The following NRG3 variants were observed in gnomAD, a reference collection of about 807,000 sequenced individuals.
NRG3 encodes neuregulin 3.
Under a neutral mutation model 66.9 loss-of-function variants are expected in NRG3, and 31 were observed. The ratio of observed to expected loss-of-function variants is 0.46; its 90% confidence interval spans 0.35 to 0.63. The LOEUF is 0.63. Ranked by LOEUF, NRG3 falls within the 20% of genes least tolerant of loss-of-function variation. NRG3 has a pLI of 0.00. For synonymous variants in NRG3, 393 were observed against 359.4 expected (o/e 1.09, Z -1.06); for missense variants, 910 against 878.9 (o/e 1.04, Z -0.45).
intron 3 of NRG3, among the ~76,000 whole-genome samples, chr10:82,753,987 A>G (rs1305899170): frequency 6.6e-6 from 1 of 151,644 alleles, no homozygotes; most frequent in East Asian, 1.9e-4. Flanking sequence ...AAATTTATTC[A>G]CTAATATTTC....
At chr10:82,077,741 T>C (rs1051359879) in intron 1 of NRG3, among the ~76,000 whole-genome samples, 1 of 152,256 alleles carries the variant, frequency 6.6e-6, no homozygotes, top group African/African-American at 2.4e-5. Flanking sequence ...GTTGCCAACA[T>C]AACTTTTACA....
chr10:82,635,817 GGTGCT>G (rs1292283215), intron 2 of NRG3, among the ~76,000 whole-genome samples: 1 of 152,134 alleles, frequency 6.6e-6, no homozygotes, highest in Admixed American at 6.6e-5. Context: ...GATGATTGTT[GGTGCT>G]GGGCAGGGAG....
intron 2 of NRG3, among the ~76,000 whole-genome samples, chr10:82,499,379 G>A (rs1418525992): frequency 6.6e-6 from 1 of 152,136 alleles, no homozygotes; most frequent in Admixed American, 6.6e-5. Context: ...AGCAATTACA[G>A]ACAAACCTTT....
Position 82,298,599 on chromosome 10 carries a change from A to G in NRG3, c.824-60140A>G, listed in dbSNP as rs113244133. 8.9e-3 allele frequency among the ~76,000 whole-genome samples: 1,349 copies of G among 152,246 alleles called. 15 individuals are homozygous for G. Among genetic ancestry groups the G allele is most frequent in the African/African-American group, 0.03 (1,246 of 41,530 alleles). Reference sequence around the variant, plus strand: ...TATAAAGAGTAAGTCTGAAGTTTACATTTAGATTTTGACAGTCATCATTAG... The same window carrying G: ...TATAAAGAGTAAGTCTGAAGTTTACGTTTAGATTTTGACAGTCATCATTAG... On this transcript the variant is annotated intron_variant, in intron 1 of 8. Coordinates refer to ENST00000372141, the MANE Select transcript of NRG3 (RefSeq NM_001010848.4).
At chr10:82,339,096 T>C (rs1456130686) in intron 1 of NRG3, among the ~76,000 whole-genome samples, 2 of 152,178 alleles carry the variant, frequency 1.3e-5, no homozygotes, top group Non-Finnish European at 2.9e-5. Context: ...TGGAGAACAA[T>C]GTAATTGTTT....
At chr10:82,760,828 G>C (rs1465795307) in intron 3 of NRG3, among the ~76,000 whole-genome samples, 2 of 151,768 alleles carry the variant, frequency 1.3e-5, no homozygotes, top group African/African-American at 4.8e-5. Context: ...TACATTTTCT[G>C]ATTTTATTAG....
intron 1 of NRG3, among the ~76,000 whole-genome samples, chr10:82,156,125 C>T (rs1434063033): frequency 6.6e-6 from 1 of 151,574 alleles, no homozygotes; most frequent in Non-Finnish European, 1.5e-5. Context: ...CTAACATTGT[C>T]CTCCTTATTA....
chr10:82,340,329 C>T (rs1051501895), intron 1 of NRG3, among the ~76,000 whole-genome samples: 1 of 152,200 alleles, frequency 6.6e-6, no homozygotes, highest in Non-Finnish European at 1.5e-5. Flanking sequence ...CAAAAGTGCC[C>T]TCTCCACGAA....
At chr10:82,185,683 T>A (rs1322431622) in intron 1 of NRG3, among the ~76,000 whole-genome samples, 1 of 152,218 alleles carries the variant, frequency 6.6e-6, no homozygotes, top group Non-Finnish European at 1.5e-5. Flanking sequence ...TCATCCAGTT[T>A]AATGCAGAAG....
At chr10:81,963,900 CAACCAGGAA>C (rs1161267260) in intron 1 of NRG3, among the ~76,000 whole-genome samples, 1 of 152,178 alleles carries the variant, frequency 6.6e-6, no homozygotes, top group Admixed American at 6.5e-5. Flanking sequence ...CCTCCACCTC[CAACCAGGAA>C]GTATTAATCA....
chr10:82,474,292 T>C (rs190424383), intron 2 of NRG3, among the ~76,000 whole-genome samples: 160 of 152,064 alleles, frequency 1.1e-3, no homozygotes, highest in Middle Eastern at 0.01. Context: ...CTGAGCTTAC[T>C]AGATAAAGAC....
intron 1 of NRG3, among the ~76,000 whole-genome samples, chr10:82,141,657 A>G (rs2132647014): frequency 6.6e-6 from 1 of 152,256 alleles, no homozygotes; most frequent in East Asian, 1.9e-4. Context: ...AATCACAGTG[A>G]TTCTAGGTTT....
intron 2 of NRG3, among the ~76,000 whole-genome samples, chr10:82,436,787 G>A (rs907085295): frequency 3.9e-5 from 6 of 151,986 alleles, no homozygotes; most frequent in African/African-American, 9.7e-5. Flanking sequence ...TTTCTCCTTC[G>A]CTTATGAAGC....
At chr10:82,919,538 C>T (rs1200213098) in intron 4 of NRG3, among the ~76,000 whole-genome samples, 2 of 152,142 alleles carry the variant, frequency 1.3e-5, no homozygotes, top group Non-Finnish European at 2.9e-5. Context: ...TTAAGACTCT[C>T]AGCTACTTTA....
intron 2 of NRG3, among the ~76,000 whole-genome samples, chr10:82,639,870 AG>A (rs1473068886): frequency 6.6e-6 from 1 of 152,130 alleles, no homozygotes; most frequent in Non-Finnish European, 1.5e-5. Context: ...TTCATCACCC[AG>A]GTATTAAGCC....
chr10:82,471,385 C>T (rs575905759), intron 2 of NRG3, among the ~76,000 whole-genome samples: 14 of 152,132 alleles, frequency 9.2e-5, no homozygotes, highest in Non-Finnish European at 1.9e-4. Flanking sequence ...CTGTCTCACT[C>T]TCTGTTACCT....
chr10:81,959,725 G>A (rs950805088), intron 1 of NRG3, among the ~76,000 whole-genome samples: 6 of 151,718 alleles, frequency 4.0e-5, no homozygotes, highest in African/African-American at 1.5e-4. Flanking sequence ...ATTCTAGGTT[G>A]TGTCTTGCTT....
intron 1 of NRG3, among the ~76,000 whole-genome samples, chr10:81,892,652 G>A (rs1843133214): frequency 6.6e-6 from 1 of 152,152 alleles, no homozygotes; most frequent in Non-Finnish European, 1.5e-5. Context: ...GTAGATGAAT[G>A]GTTGCCAGAG....
intron 1 of NRG3, among the ~76,000 whole-genome samples, chr10:82,185,994 C>T (rs925066928): frequency 6.6e-5 from 10 of 152,128 alleles, no homozygotes; most frequent in African/African-American, 2.4e-4. Flanking sequence ...AACTATTGTG[C>T]ATATCTCTAG....
Sources: gnomAD v4.1 joint callset for allele counts (sites outside exome capture counted in the v4.1 genomes callset) on GRCh38, gnomAD v4.1.1 for gene constraint, MANE v1.5 for transcripts, NCBI Gene and HGNC (gene_info 2026-07-23, HGNC 2026-07-21) for gene names.